CYP20A1: variants seen among roughly 807,000 people sequenced by gnomAD.
The protein encoded by CYP20A1 is cytochrome P450 20A1.
CYP20A1 carries 61 observed loss-of-function variants against 61.4 expected under a neutral mutation model. That is an observed-to-expected ratio of 0.99 (90% confidence interval 0.81 to 1.23). The LOEUF (loss-of-function observed/expected upper bound fraction) is 1.23, where lower values mean the gene tolerates loss of function less well. CYP20A1 is among the 50% of genes most tolerant of loss of function. CYP20A1 has a pLI of 0.00. For missense variants in CYP20A1, 530 were observed against 542.4 expected (o/e 0.98, Z 0.23); for synonymous variants, 193 against 188.2 (o/e 1.03, Z -0.21).
intron 9 of CYP20A1, among the ~76,000 whole-genome samples, chr2:203,287,235 A>AAAAAG (rs1418003476): frequency 6.6e-6 from 1 of 151,010 alleles, no homozygotes; most frequent in African/African-American, 2.4e-5. Flanking sequence ...AAAAAAAAAA[A>AAAAAG]AAAAGAAAAG....
intron 3 of CYP20A1, among the ~76,000 whole-genome samples, chr2:203,248,510 G>T (rs1012756156): frequency 6.6e-6 from 1 of 151,972 alleles, no homozygotes; most frequent in Non-Finnish European, 1.5e-5. Flanking sequence ...CTCCAGCCTG[G>T]GTGACAGAGG....
intron 5 of CYP20A1, among the ~76,000 whole-genome samples, chr2:203,272,032 G>T (rs137947050): frequency 4.5e-4 from 69 of 152,204 alleles, no homozygotes; most frequent in African/African-American, 1.6e-3. Flanking sequence ...GTCTCGGCGT[G>T]GGGGAAGAAA....
intron 8 of CYP20A1, among the ~76,000 whole-genome samples, chr2:203,281,249 A>G (rs999713182): frequency 3.9e-5 from 6 of 152,142 alleles, no homozygotes; most frequent in African/African-American, 1.4e-4. Context: ...GCTCACAGCT[A>G]TAATGCCAGC....
intron 1 of CYP20A1, among the ~76,000 whole-genome samples, chr2:203,244,908 AT>A (rs2066403570): frequency 6.6e-6 from 1 of 150,562 alleles, no homozygotes; most frequent in African/African-American, 2.5e-5. Context: ...AATTTTTTGT[AT>A]TTTTAGTAGA....
intron 4 of CYP20A1, among the ~76,000 whole-genome samples, chr2:203,263,275 C>T (rs1165260964): frequency 1.3e-5 from 2 of 150,972 alleles, no homozygotes; most frequent in African/African-American, 4.9e-5. Context: ...AGGCGTGAGC[C>T]ACTGCGCCTG....
Position 203,294,941 on chromosome 2 carries a change from ATTTTTTTTT to A in CYP20A1, c.1149-1512_1149-1504del, listed in dbSNP as rs1167546590. ...GCCACTGTGCCCAGCCTTTAAAAAAATTTTTTTTTTTTTTTTTTTTTTTTTTTTTGAGAC... is the reference window on the plus strand; with the variant it reads ...GCCACTGTGCCCAGCCTTTAAAAAAATTTTTTTTTTTTTTTTTTTTGAGAC... On this transcript the variant is annotated intron_variant, in intron 11 of 12. Coordinates refer to ENST00000356079, the MANE Select transcript of CYP20A1 (RefSeq NM_177538.3). Among the ~76,000 whole-genome samples, 6 of 45,470 alleles carry A rather than the reference ATTTTTTTTT, an allele frequency of 1.3e-4. No individual in the cohort carries two copies. In the South Asian group the frequency reaches 5.7e-3, roughly 44 times the overall value. The allele number at this position is 45,470 out of a possible 152,430, so 29.8% of individuals were successfully genotyped here.
chr2:203,240,777 A>G (rs1352640516), intron 1 of CYP20A1, among the ~76,000 whole-genome samples: 1 of 152,190 alleles, frequency 6.6e-6, no homozygotes. Flanking sequence ...GAAAGTCAGA[A>G]AGATGGGAGT....
intron 5 of CYP20A1, among the ~76,000 whole-genome samples, chr2:203,270,119 A>T (rs2067501530): frequency 6.6e-6 from 1 of 151,904 alleles, no homozygotes; most frequent in East Asian, 1.9e-4. Flanking sequence ...AATTTGCTGC[A>T]TGTGGTAGTA....
At chr2:203,259,410 T>G (rs2105931579) in intron 4 of CYP20A1, among the ~76,000 whole-genome samples, 2 of 152,270 alleles carry the variant, frequency 1.3e-5, no homozygotes, top group East Asian at 3.9e-4. Flanking sequence ...GGTGCTATCC[T>G]CACGGTAGTG....
At chr2:203,254,497 A>T (rs2066820235) in intron 4 of CYP20A1, among the ~76,000 whole-genome samples, 1 of 151,338 alleles carries the variant, frequency 6.6e-6, no homozygotes, top group Admixed American at 6.6e-5. Context: ...GTGAGCCAAG[A>T]TCATGCCACT....
At chr2:203,242,667 C>G (rs564255377) in intron 1 of CYP20A1, among the ~76,000 whole-genome samples, 19 of 151,850 alleles carry the variant, frequency 1.3e-4, no homozygotes, top group Non-Finnish European at 2.5e-4. Flanking sequence ...GTCCGTGGTC[C>G]CTGGTCCCAG....
At chr2:203,287,215 C>CAAA (rs1168549640) in intron 9 of CYP20A1, among the ~76,000 whole-genome samples, 81 of 46,912 alleles carry the variant, frequency 1.7e-3, no homozygotes, top group Middle Eastern at 0.038. Context: ...GACCCTATCT[C>CAAA]AAAAAAAAAA....
intron 5 of CYP20A1, among the ~76,000 whole-genome samples, chr2:203,272,149 T>C (rs2067627838): frequency 6.6e-6 from 1 of 152,234 alleles, no homozygotes; most frequent in Non-Finnish European, 1.5e-5. Flanking sequence ...GTGCCTTGAC[T>C]GAAGTCATCA....
intron 6 of CYP20A1, among the ~76,000 whole-genome samples, chr2:203,277,555 G>A (rs769261785): frequency 4.0e-5 from 6 of 150,316 alleles, no homozygotes; most frequent in Non-Finnish European, 8.9e-5. Context: ...TTATTCTCTC[G>A]CCCAGGCTGG....
At chr2:203,250,580 A>G (rs1396028764) in intron 3 of CYP20A1, among the ~76,000 whole-genome samples, 2 of 152,318 alleles carry the variant, frequency 1.3e-5, no homozygotes, top group South Asian at 4.1e-4. Context: ...TGGCTCTGTC[A>G]GGGAATATAA....
chr2:203,279,945 T>C, intron 7 of CYP20A1, 114 bp from the exon 8 acceptor site: 1 of 625,862 alleles, frequency 1.6e-6, no homozygotes, highest in Non-Finnish European at 2.5e-6. Context: ...CAAAATGAAA[T>C]AATATACTTT....
chr2:203,239,083 C>T lies in CYP20A1; in HGVS notation c.21C>T (p.Phe7=), dbSNP rs1290687961. 1.2e-6 allele frequency: 2 copies of T among 1,613,632 alleles called. No homozygotes were observed. Among genetic ancestry groups the T allele is most frequent in the Non-Finnish European group, 1.7e-6 (2 of 1,179,842 alleles). MLDFAI[F]AVTFLLALVG... is the part of the protein sequence containing the mutation. ...GAACCATGTTGGACTTCGCGATCTT[C>T]GCCGTTACCTTCTTGCTGGCGTTGG... Residue 7 remains phenylalanine (F), a synonymous_variant, in exon 1 of 13, where the codon TTC becomes TTT. Coordinates refer to ENST00000356079, the MANE Select transcript of CYP20A1 (RefSeq NM_177538.3).
chr2:203,246,685 A>T (rs896785557), intron 2 of CYP20A1, 70 bp from the exon 3 acceptor site: 12 of 1,442,596 alleles, frequency 8.3e-6, no homozygotes, highest in Non-Finnish European at 1.1e-5. Context: ...GTTAATTCAG[A>T]GTCAACTGTT....
At chr2:203,269,269 C>G (rs991470532) in intron 5 of CYP20A1, among the ~76,000 whole-genome samples, 2 of 150,252 alleles carry the variant, frequency 1.3e-5, no homozygotes, top group Non-Finnish European at 3.0e-5. Context: ...CAGTGAGACC[C>G]CTGTCTCCAA....
Sources: gnomAD v4.1 joint callset for allele counts (sites outside exome capture counted in the v4.1 genomes callset) on GRCh38, gnomAD v4.1.1 for gene constraint, MANE v1.5 for transcripts, NCBI Gene and HGNC (gene_info 2026-07-23, HGNC 2026-07-21) for gene names.